The following ZER1 variants were observed in gnomAD, a reference collection of about 807,000 sequenced individuals.
The protein encoded by ZER1 is protein zer-1 homolog.
In ZER1, 11 loss-of-function variants were observed where a neutral mutation model predicts 78.8. That is an observed-to-expected ratio of 0.14 (90% CI 0.09 to 0.23). ZER1 has a LOEUF of 0.23. Among genes scored for constraint, ZER1 ranks in the 10% least tolerant of loss-of-function variants. ZER1 has a pLI of 1.00. For synonymous variants in ZER1, 400 were observed against 407.0 expected, an observed-to-expected ratio of 0.98 and a Z score of 0.21; for missense variants, 588 against 996.9, an observed-to-expected ratio of 0.59 and a Z score of 5.52.
intron 8 of ZER1, among the ~76,000 whole-genome samples, chr9:128,743,612 G>T (rs1863381016): frequency 6.6e-6 from 1 of 151,974 alleles, no homozygotes; most frequent in South Asian, 2.1e-4. Context: ...TAGAGATGGG[G>T]TCTCACTATG....
chr9:128,731,249 T>G lies in ZER1; in HGVS notation c.*88A>C. ...TCTCTTCACTCCGTGGGAGGCTCCC[T>G]CGGAAGGGGCCCGCCCGCTGGGCTG... On this transcript the variant is annotated 3_prime_UTR_variant, in exon 16 of 16. Transcript: ENST00000291900. 1.5e-6 allele frequency: 2 copies of G among 1,360,364 alleles called. No homozygotes were observed. Among genetic ancestry groups the G allele is most frequent in the Non-Finnish European group, 2.0e-6 (2 of 980,714 alleles). 84.3% of individuals were successfully genotyped at this position (1,360,364 alleles called of 1,614,324 possible). A position where few individuals can be genotyped will look rare whatever the true frequency, so the allele number is the denominator to read the frequency against.
intron 11 of ZER1, 85 bp downstream of exon 11, chr9:128,741,450 G>A (rs777125954): frequency 1.8e-5 from 28 of 1,592,078 alleles, no homozygotes; most frequent in East Asian, 6.7e-5. Context: ...GGGGTGCTGC[G>A]GATTTGGTTG....
chr9:128,759,757 T>C (rs12337447), intron 1 of ZER1, among the ~76,000 whole-genome samples: 1 of 151,842 alleles, frequency 6.6e-6, no homozygotes, highest in African/African-American at 2.4e-5. Context: ...ATGGCACCAC[T>C]GCACTCCAGT....
At chr9:128,746,208 G>T (rs531457536) in intron 8 of ZER1, 11 of 152,232 alleles carry the variant, frequency 7.2e-5, no homozygotes, top group African/African-American at 2.6e-4. Context: ...TTGCAGAATG[G>T]CTAGGTCAAA....
intron 13 of ZER1, among the ~76,000 whole-genome samples, chr9:128,736,286 A>G (rs1249692523): frequency 4.6e-5 from 7 of 150,772 alleles, no homozygotes; most frequent in Admixed American, 4.6e-4. Context: ...GGGTTTCACT[A>G]TGTTGGCCAG....
At chr9:128,750,868 C>G in intron 7 of ZER1, 79 bp from the exon 8 acceptor site, 1 of 1,575,924 alleles carries the variant, frequency 6.3e-7, no homozygotes, top group Non-Finnish European at 8.7e-7. Flanking sequence ...AACAGGCTCT[C>G]TGGGGCAAGG....
rs1233798888 is a variant in ZER1, at chr9:128,741,835, G to A, written c.1582C>T (p.Leu528=). 6.2e-7 allele frequency: 1 copy of A among 1,614,236 alleles called. No individual in the cohort carries two copies. Among genetic ancestry groups the A allele is most frequent in the South Asian group, 1.1e-5 (1 of 91,092 alleles). ...AGCAGCTTCTTCTGAATCAGCTTCAGCATGGTCTGCAGGCAGGGACAAGAG... is the reference window on the plus strand; with the variant it reads ...AGCAGCTTCTTCTGAATCAGCTTCAACATGGTCTGCAGGCAGGGACAAGAG... ...VGKMGFVVTM[L]KLIQKKLLDK... Residue 528 remains leucine (L), a synonymous_variant, in exon 10 of 16, where the codon CTG becomes TTG. Coordinates refer to ENST00000291900, the MANE Select transcript of ZER1 (RefSeq NM_006336.4).
chr9:128,731,542 T>G (rs999366136), intron 15 of ZER1, 148 bp from the exon 16 acceptor site: 3 of 636,272 alleles, frequency 4.7e-6, no homozygotes, highest in Non-Finnish European at 8.1e-6. Context: ...GCTGGCAGAG[T>G]GGCTGGCATG....
chr9:128,765,761 T>A (rs1035494767), intron 1 of ZER1, among the ~76,000 whole-genome samples: 11 of 151,802 alleles, frequency 7.2e-5, no homozygotes, highest in African/African-American at 2.7e-4. Flanking sequence ...AGACTGGGGG[T>A]GTGAGGGGAG....
At position 128,753,764 on chromosome 9, in the gene ZER1, T is replaced by C. The variant is rs1426650411; in HGVS notation, c.309+45A>G. The C allele has an allele frequency of 1.3e-6, 2 of 1,587,378 alleles. No homozygotes were observed. The highest frequency in any genetic ancestry group is 8.6e-7 in the Non-Finnish European group (1 of 1,165,830). ...GGCTGGAGGCGAGCAGCCTGGCCCC[T>C]GCTTGGTGTGGGCCCTCCTGGCGCT... On this transcript the variant is annotated intron_variant, in intron 3 of 15. Coordinates refer to ENST00000291900, the MANE Select transcript of ZER1 (RefSeq NM_006336.4). This position sits in a 1 kb window ranked among gnomAD's most constrained non-coding sequence, Gnocchi z 7.5.
intron 1 of ZER1, among the ~76,000 whole-genome samples, chr9:128,767,062 C>A (rs1298199823): frequency 6.6e-6 from 1 of 151,424 alleles, no homozygotes; most frequent in Non-Finnish European, 1.5e-5. Context: ...CCTGCCTCAG[C>A]CAACCAAGTA....
chr9:128,731,582 G>A (rs191327704), intron 15 of ZER1, among the ~76,000 whole-genome samples, 188 bp from the exon 16 acceptor site: 1 of 152,274 alleles, frequency 6.6e-6, no homozygotes, highest in Non-Finnish European at 1.5e-5. Flanking sequence ...GGCACCTGTG[G>A]CCGTGAATGC....
chr9:128,752,604 A>C (rs934470675), intron 5 of ZER1, 69 bp downstream of exon 5: 3 of 1,491,934 alleles, frequency 2.0e-6, no homozygotes, highest in Admixed American at 2.2e-5. Flanking sequence ...TACAGGCGTG[A>C]GCCACTGCGC....
intron 1 of ZER1, among the ~76,000 whole-genome samples, chr9:128,766,430 G>C (rs1450197833): frequency 1.3e-5 from 2 of 152,058 alleles, no homozygotes; most frequent in Non-Finnish European, 2.9e-5. Context: ...AACAAGGCAG[G>C]AGTTACCATC....
At chr9:128,750,261 G>A (rs1019891034) in intron 8 of ZER1, among the ~76,000 whole-genome samples, 15 of 152,174 alleles carry the variant, frequency 9.9e-5, no homozygotes, top group Non-Finnish European at 1.6e-4. Context: ...CTGTATATCT[G>A]TAATTATAAC....
At position 128,753,739 on chromosome 9, in the gene ZER1, G is replaced by C; in HGVS notation, c.309+70C>G. ...ACACTGGCTGGGCTGGGGATGGCTGGGCTGGAGGCGAGCAGCCTGGCCCCT... is the reference window on the plus strand; with the variant it reads ...ACACTGGCTGGGCTGGGGATGGCTGCGCTGGAGGCGAGCAGCCTGGCCCCT... On this transcript the variant is annotated intron_variant, in intron 3 of 15. Transcript: ENST00000291900. The surrounding 1 kb of genome is among the most constrained non-coding windows in gnomAD (Gnocchi z 7.5). 2 of 1,566,878 alleles carry C rather than the reference G, an allele frequency of 1.3e-6. No homozygotes were observed. Among genetic ancestry groups the C allele is most frequent in the South Asian group, 2.4e-5 (2 of 84,944 alleles).
Position 128,730,140 on chromosome 9 carries a change from G to C in ZER1, c.*1197C>G, listed in dbSNP as rs1301420694. ...AGCCATCACCCAAAGGCTGCCTCCA[G>C]GGTTAGCGCTGCTCCCCAGGCCCCT... On this transcript the variant is annotated 3_prime_UTR_variant, in exon 16 of 16. Coordinates refer to ENST00000291900, the MANE Select transcript of ZER1 (RefSeq NM_006336.4). 1 of 152,476 alleles carries C rather than the reference G, an allele frequency of 6.6e-6. No homozygotes were observed. Among genetic ancestry groups the C allele is most frequent in the African/African-American group, 2.4e-5 (1 of 41,426 alleles). 9.4% of individuals were successfully genotyped at this position (152,476 alleles called of 1,614,324 possible).
At chr9:128,758,607 T>C (rs1470239029) in intron 1 of ZER1, among the ~76,000 whole-genome samples, 1 of 152,026 alleles carries the variant, frequency 6.6e-6, no homozygotes, top group African/African-American at 2.4e-5. Context: ...TCTTTGTTTT[T>C]TGTTTTTTGT....
At chr9:128,760,660 G>A (rs954540129) in intron 1 of ZER1, among the ~76,000 whole-genome samples, 1 of 152,040 alleles carries the variant, frequency 6.6e-6, no homozygotes, top group Non-Finnish European at 1.5e-5. Flanking sequence ...GGGTGTTGTG[G>A]TGCACACCTG....
Sources: allele counts gnomAD v4.1 joint callset (sites outside exome capture counted in the v4.1 genomes callset), GRCh38; gene constraint gnomAD v4.1.1; non-coding constraint Gnocchi (gnomAD v3.1); transcripts MANE v1.5; gene names NCBI Gene and HGNC (gene_info 2026-07-23, HGNC 2026-07-21).